AAMDC: variants seen among roughly 807,000 people sequenced by gnomAD.
AAMDC encodes adipogenesis associated Mth938 domain containing, also known as mth938 domain-containing protein.
Under a neutral mutation model 15.5 loss-of-function variants are expected in AAMDC, and 16 were observed. The observed-to-expected ratio is 1.03, with a 90% CI of 0.70 to 1.57. AAMDC has a LOEUF of 1.57. AAMDC is among the 40% of genes most tolerant of loss of function. The pLI, the probability that AAMDC is intolerant of heterozygous loss-of-function variation, is 0.00. For missense variants in AAMDC, 141 were observed against 144.9 expected (o/e 0.97, Z 0.14); for synonymous variants, 51 against 51.6 (o/e 0.99, Z 0.05).
chr11:77,874,758 C>T (rs928282793), downstream of AAMDC, among the ~76,000 whole-genome samples: 2 of 152,086 alleles, frequency 1.3e-5, no homozygotes, highest in African/African-American at 2.4e-5. Context: ...AGAAGTTGGC[C>T]GGGTGCGGTG....
chr11:77,878,147 G>A (rs546964326), intron 5 of AAMDC, among the ~76,000 whole-genome samples: 189 of 152,162 alleles, frequency 1.2e-3, no homozygotes, highest in Admixed American at 1.9e-3. Context: ...CAGATCACGA[G>A]GTCAGGAGAT....
At position 77,852,224 on chromosome 11, in the gene AAMDC, CA is replaced by C. The variant is rs545742213; in HGVS notation, c.132+9613del. ...TGGCCAACAGAATGAGACACTGTCT[CA>C]AAAAAAAAAAAAAAAAGAAGAAGAA... is the stretch of plus-strand genomic sequence containing the variant. On this transcript the variant is annotated intron_variant, in intron 2 of 3. Coordinates refer to ENST00000393427, the MANE Select transcript of AAMDC (RefSeq NM_024684.4). 2.1e-4 allele frequency among the ~76,000 whole-genome samples: 7 copies of C among 33,510 alleles called. 1 individual carries two copies. Among genetic ancestry groups the C allele is most frequent in the Admixed American group, 7.9e-4 (2 of 2,542 alleles). 22.0% of individuals were successfully genotyped at this position (33,510 alleles called of 152,430 possible). A position where few individuals can be genotyped will look rare whatever the true frequency, so the allele number is the denominator to read the frequency against.
rs1952286310 is a variant in AAMDC at position 77,891,894 on chromosome 11, C to T, written c.329-8677C>T. On this transcript the variant is annotated intron_variant, in intron 5 of 5. Coordinates refer to the AAMDC transcript ENST00000304716. ...CATTCAACTGTGCACTCATTCACCACAGGCTGGGCCCCAGACACCTATCAA... is the reference window on the plus strand; with the variant it reads ...CATTCAACTGTGCACTCATTCACCATAGGCTGGGCCCCAGACACCTATCAA... 19 of 1,607,018 alleles carry T rather than the reference C, an allele frequency of 1.2e-5. No individual in the cohort carries two copies. In the South Asian group the frequency reaches 1.8e-4, roughly 15 times the overall value.
chr11:77,889,146 C>T (rs988909306), intron 5 of AAMDC, among the ~76,000 whole-genome samples: 2 of 152,138 alleles, frequency 1.3e-5, no homozygotes, highest in Non-Finnish European at 2.9e-5. Flanking sequence ...TGCGGCACCA[C>T]TCACAATAGC....
At chr11:77,897,068 G>A (rs958876354) in intron 5 of AAMDC, among the ~76,000 whole-genome samples, 29 of 151,916 alleles carry the variant, frequency 1.9e-4, no homozygotes, top group Non-Finnish European at 2.6e-4. Flanking sequence ...CTGGTGTGGC[G>A]GGGGTTGCCC....
At chr11:77,873,201 G>A (rs971571480), downstream of AAMDC, among the ~76,000 whole-genome samples, 4 of 152,150 alleles carry the variant, frequency 2.6e-5, no homozygotes, top group African/African-American at 9.7e-5. Flanking sequence ...CACTGGTTGG[G>A]TATTTGTCTA....
chr11:77,851,160 G>C (rs1950365044), intron 2 of AAMDC, among the ~76,000 whole-genome samples: 1 of 151,910 alleles, frequency 6.6e-6, no homozygotes, highest in African/African-American at 2.4e-5. Context: ...TCACCATCTT[G>C]GCCAGGCTGG....
intron 1 of AAMDC, among the ~76,000 whole-genome samples, chr11:77,832,552 C>G (rs1271449758): frequency 1.3e-5 from 2 of 151,904 alleles, no homozygotes; most frequent in African/African-American, 4.8e-5. Context: ...TCTGAAACTC[C>G]GGACCTCAGG....
chr11:77,825,022 C>G (rs1949103614), intron 1 of AAMDC, among the ~76,000 whole-genome samples: 1 of 151,994 alleles, frequency 6.6e-6, no homozygotes, highest in African/African-American at 2.4e-5. Context: ...ACTCTATCAC[C>G]CAGGCTAGAG....
chr11:77,877,777 C>T (rs1304622810), intron 5 of AAMDC, among the ~76,000 whole-genome samples: 4 of 151,544 alleles, frequency 2.6e-5, no homozygotes, highest in Non-Finnish European at 5.9e-5. Context: ...GAGATGGGGT[C>T]TCGCTATGTT....
intron 5 of AAMDC, among the ~76,000 whole-genome samples, chr11:77,884,510 T>C (rs1951917746): frequency 6.6e-6 from 1 of 152,206 alleles, no homozygotes; most frequent in Non-Finnish European, 1.5e-5. Flanking sequence ...CCCAGCTCCC[T>C]GTGTAGACAG....
chr11:77,830,987 CAAAA>C (rs59283485), intron 1 of AAMDC, among the ~76,000 whole-genome samples: 12 of 100,514 alleles, frequency 1.2e-4, no homozygotes, highest in Admixed American at 4.4e-4. Context: ...CAAAATATAC[CAAAA>C]AAAAAAAAAA....
intron 2 of AAMDC, among the ~76,000 whole-genome samples, chr11:77,846,579 G>GC (rs1375120069): frequency 6.6e-6 from 1 of 152,186 alleles, no homozygotes; most frequent in Non-Finnish European, 1.5e-5. Flanking sequence ...GGTGGCACAT[G>GC]CCTGTAATCC....
chr11:77,829,052 T>C (rs1949303954), intron 1 of AAMDC, among the ~76,000 whole-genome samples: 1 of 152,204 alleles, frequency 6.6e-6, no homozygotes, highest in South Asian at 2.1e-4. Context: ...ATTCATATGT[T>C]GAAGCCCTAA....
chr11:77,831,042 C>A (rs954313098), intron 1 of AAMDC, among the ~76,000 whole-genome samples: 4 of 150,740 alleles, frequency 2.7e-5, no homozygotes, highest in African/African-American at 9.8e-5. Context: ...ACCTGTAGTC[C>A]CAGCTACTTG....
At chr11:77,900,629 T>G (rs1258067961) in exon 6 of AAMDC, 5 of 700,602 alleles carry the variant, frequency 7.1e-6, no homozygotes, top group Non-Finnish European at 1.0e-5. Context: ...TAAGTACTTT[T>G]TTGTATCAAA....
rs537254271 is a variant in AAMDC, at chr11:77,878,239, G to A, written c.328+1190G>A. Among the ~76,000 whole-genome samples, 28 of 152,112 alleles carry A rather than the reference G, an allele frequency of 1.8e-4. No homozygotes were observed. In the East Asian group the frequency reaches 4.1e-3, roughly 22 times the overall value. On this transcript the variant is annotated intron_variant, in intron 5 of 5. Coordinates refer to the AAMDC transcript ENST00000304716. ...TAGCAAGGCGTGGTGACAGGCGCCT[G>A]TAGTCCCACCTACTCAGGAGGCTGA...
chr11:77,904,370 T>A (rs1952875591), downstream of AAMDC, among the ~76,000 whole-genome samples: 1 of 152,250 alleles, frequency 6.6e-6, no homozygotes. Flanking sequence ...AAGATGTAAG[T>A]TAATTTTAAG....
At chr11:77,887,814 C>T (rs1952082964) in intron 5 of AAMDC, among the ~76,000 whole-genome samples, 1 of 152,148 alleles carries the variant, frequency 6.6e-6, no homozygotes, top group South Asian at 2.1e-4. Context: ...AGTGAACTCC[C>T]CATTCACAAT....
Sources: allele counts gnomAD v4.1 joint callset (sites outside exome capture counted in the v4.1 genomes callset), GRCh38; gene constraint gnomAD v4.1.1; transcripts MANE v1.5; gene names NCBI Gene and HGNC (gene_info 2026-07-23, HGNC 2026-07-21).